The following CAV1 variants were observed in gnomAD, a reference collection of about 807,000 sequenced individuals.
CAV1 encodes caveolin-1.
In CAV1, 10 loss-of-function variants were observed where a neutral mutation model predicts 16.5. That is an observed-to-expected ratio of 0.61 (90% CI 0.37 to 1.03). The LOEUF (loss-of-function observed/expected upper bound fraction) is 1.03, where lower values mean the gene tolerates loss of function less well. Among genes scored for constraint, CAV1 ranks in the 50% least tolerant of loss-of-function variants. The pLI is 0.01. For synonymous variants in CAV1, 76 were observed against 85.1 expected (o/e 0.89, Z 0.59); for missense variants, 212 against 232.8 (o/e 0.91, Z 0.58).
intron 2 of CAV1, among the ~76,000 whole-genome samples, chr7:116,536,039 G>A (rs1014729120): frequency 6.6e-6 from 1 of 152,102 alleles, no homozygotes; most frequent in Non-Finnish European, 1.5e-5. Flanking sequence ...TATTTAAAAA[G>A]GTAAGTTGTG....
intron 2 of CAV1, among the ~76,000 whole-genome samples, chr7:116,536,914 A>G (rs1037290414): frequency 6.6e-6 from 1 of 150,388 alleles, no homozygotes; most frequent in Admixed American, 6.6e-5. Context: ...GAGGCAGGAG[A>G]ATGGCGTGAA....
intron 2 of CAV1, among the ~76,000 whole-genome samples, chr7:116,531,766 G>A (rs1793690929): frequency 6.6e-6 from 1 of 152,138 alleles, no homozygotes; most frequent in African/African-American, 2.4e-5. Context: ...GTTGGCATTA[G>A]TATTAGTTTT....
chr7:116,539,500 C>T (rs1254836667), intron 2 of CAV1, among the ~76,000 whole-genome samples: 1 of 152,114 alleles, frequency 6.6e-6, no homozygotes, highest in Non-Finnish European at 1.5e-5. Context: ...TGTCTTTCTT[C>T]CTTTGCCACT....
intron 2 of CAV1, among the ~76,000 whole-genome samples, chr7:116,556,395 A>G (rs1794294823): frequency 6.6e-6 from 1 of 152,196 alleles, no homozygotes; most frequent in Non-Finnish European, 1.5e-5. Flanking sequence ...GAAATAGCAT[A>G]CTCACCTTAG....
At chr7:116,544,047 G>A (rs1793992051) in intron 2 of CAV1, among the ~76,000 whole-genome samples, 1 of 152,134 alleles carries the variant, frequency 6.6e-6, no homozygotes, top group South Asian at 2.1e-4. Context: ...TAAACATGAA[G>A]GCGTTTGAAT....
chr7:116,561,042 T>TAGTC lies in CAV1; in HGVS notation c.*1756_*1759dup, dbSNP rs1584789641. On this transcript the variant is annotated 3_prime_UTR_variant, in exon 3 of 3. Transcript: ENST00000341049. Reference sequence around the variant, plus strand: ...GACATGTCTGTTCTACATAGATGCTTAGTCCCTCATGCAAATCAATTACTG... The same window carrying TAGTC: ...GACATGTCTGTTCTACATAGATGCTTAGTCAGTCCCTCATGCAAATCAATTACTG... The TAGTC allele has an allele frequency of 6.5e-6, 1 of 152,754 alleles. No individual in the cohort carries two copies. Among genetic ancestry groups the TAGTC allele is most frequent in the East Asian group, 1.9e-4 (1 of 5,180 alleles). The allele number at this position is 152,754 out of a possible 1,614,324, so 9.5% of individuals were successfully genotyped here.
At chr7:116,525,250 G>A (rs1199931861) in intron 1 of CAV1, 158 bp downstream of exon 1, 1 of 1,605,376 alleles carries the variant, frequency 6.2e-7, no homozygotes, top group Non-Finnish European at 8.5e-7. Flanking sequence ...GGGCCTGGGC[G>A]GGGAGGTGAA....
At chr7:116,531,456 A>G (rs9649394) in intron 2 of CAV1, among the ~76,000 whole-genome samples, 82,212 of 152,008 alleles carry the variant, frequency 0.54, 24,177 homozygotes, top group East Asian at 0.93. Flanking sequence ...TTATAGTACA[A>G]AGGTTTAATG....
intron 2 of CAV1, among the ~76,000 whole-genome samples, chr7:116,555,496 G>GA (rs1396788398): frequency 0.072 from 457 of 6,368 alleles, 73 homozygotes; most frequent in South Asian, 0.32. Flanking sequence ...AAGAAAGAAA[G>GA]AAAGAAAGAA....
chr7:116,539,978 G>A (rs1458056467), intron 2 of CAV1, among the ~76,000 whole-genome samples: 1 of 152,126 alleles, frequency 6.6e-6, no homozygotes, highest in Non-Finnish European at 1.5e-5. Flanking sequence ...AAGATTGAGA[G>A]GAATGACTAG....
At chr7:116,528,337 A>C (rs6977359) in intron 2 of CAV1, among the ~76,000 whole-genome samples, 5,300 of 152,310 alleles carry the variant, frequency 0.035, 309 homozygotes, top group African/African-American at 0.12. Flanking sequence ...ATGGAAAAAA[A>C]ACATAACAGG....
chr7:116,537,005 G>A lies in CAV1; in HGVS notation c.195+10316G>A, dbSNP rs1241407666. 3.2e-4 allele frequency among the ~76,000 whole-genome samples: 26 copies of A among 80,676 alleles called. 1 individual carries two copies. The East Asian group carries it at 5.2e-3, about 16-fold the overall frequency. The allele number at this position is 80,676 out of a possible 152,430, so 52.9% of individuals were successfully genotyped here. On this transcript the variant is annotated intron_variant, in intron 2 of 2. Transcript: ENST00000341049. The stretch of plus-strand genomic sequence containing the variant: ...GGCCTGGGCAACAGAGCGAGACTCC[G>A]TCTCAAAAAAAAAAAAAAAAAAAAA...
intron 2 of CAV1, among the ~76,000 whole-genome samples, chr7:116,545,561 G>T (rs1435211645): frequency 6.6e-6 from 1 of 152,164 alleles, no homozygotes; most frequent in Non-Finnish European, 1.5e-5. Context: ...AAGCACTGGA[G>T]GAAAAAATAT....
At chr7:116,526,811 C>CAA (rs1793573896) in intron 2 of CAV1, 122 bp downstream of exon 2, 1 of 1,087,768 alleles carries the variant, frequency 9.2e-7, no homozygotes. Flanking sequence ...CGCGCACACA[C>CAA]ACACACACAC....
At chr7:116,558,721 C>A (rs1159204515) in intron 2 of CAV1, among the ~76,000 whole-genome samples, 1 of 151,988 alleles carries the variant, frequency 6.6e-6, no homozygotes, top group Non-Finnish European at 1.5e-5. Flanking sequence ...CCACTGCACT[C>A]CAGCCTGGGT....
chr7:116,553,204 T>C (rs1320024810), intron 2 of CAV1, among the ~76,000 whole-genome samples: 1 of 152,154 alleles, frequency 6.6e-6, no homozygotes, highest in Non-Finnish European at 1.5e-5. Context: ...TGTGCACATG[T>C]AAACTGTTTT....
chr7:116,543,872 A>G (rs376890296), intron 2 of CAV1, among the ~76,000 whole-genome samples: 34 of 152,286 alleles, frequency 2.2e-4, no homozygotes, highest in African/African-American at 7.7e-4. Flanking sequence ...ATAGGATCAG[A>G]TGACTAAGAG....
chr7:116,539,324 T>C (rs1793891094), intron 2 of CAV1, among the ~76,000 whole-genome samples: 1 of 152,152 alleles, frequency 6.6e-6, no homozygotes, highest in African/African-American at 2.4e-5. Context: ...TGTGCCTGTA[T>C]CCTTCAAGCA....
At chr7:116,541,419 A>C (rs865880527) in intron 2 of CAV1, among the ~76,000 whole-genome samples, 1 of 152,196 alleles carries the variant, frequency 6.6e-6, no homozygotes, top group African/African-American at 2.4e-5. Context: ...GATAAGAAAT[A>C]ATAGGAAAGG....
Sources: allele counts gnomAD v4.1 joint callset (sites outside exome capture counted in the v4.1 genomes callset), GRCh38; gene constraint gnomAD v4.1.1; transcripts MANE v1.5; gene names NCBI Gene and HGNC (gene_info 2026-07-23, HGNC 2026-07-21).